ZIC1: variants seen among roughly 807,000 people sequenced by gnomAD.
The protein encoded by ZIC1 is Zic family zinc finger 1.
In ZIC1, 4 loss-of-function variants were observed where a neutral mutation model predicts 30.9. The observed-to-expected ratio is 0.13, with a 90% CI of 0.06 to 0.30. ZIC1 has a LOEUF of 0.30. ZIC1 is among the 10% of genes least tolerant of loss of function. The probability of loss-of-function intolerance (pLI) is 1.00; values close to 1 mark genes in which losing one functional copy is unlikely to be tolerated. For synonymous variants in ZIC1, 305 were observed against 277.5 expected, an observed-to-expected ratio of 1.10 and a Z score of -0.98; for missense variants, 441 against 639.3, an observed-to-expected ratio of 0.69 and a Z score of 3.34.
Position 147,410,862 on chromosome 3 carries a change from C to G in ZIC1, c.750C>G (p.His250Gln), listed in dbSNP as rs1170967618. 4 of 1,614,142 alleles carry G rather than the reference C, an allele frequency of 2.5e-6. No individual in the cohort carries two copies. Among genetic ancestry groups the G allele is most frequent in the Non-Finnish European group, 3.4e-6 (4 of 1,180,054 alleles). ...KSCNKTFSTMHELVTHVTVEH... is the reference protein window; with the variant it reads ...KSCNKTFSTMQELVTHVTVEH... ...GCAACAAAACTTTCAGCACCATGCA[C>G]GAGCTAGTTACGCACGTCACCGTGG... The change falls in exon 1 of 3, where the codon CAC becomes CAG. Residue 250 changes from histidine (H) to glutamine (Q), a missense_variant. Physicochemically the swap from His to Gln is conservative, Grantham distance 24. Transcript: ENST00000282928.
Position 147,413,972 on chromosome 3 carries a change from T to G in ZIC1, c.*421T>G, listed in dbSNP as rs557350306. 1.4e-4 allele frequency: 19 copies of G among 136,858 alleles called. No individual in the cohort carries two copies. Among genetic ancestry groups the G allele is most frequent in the African/African-American group, 5.2e-4 (19 of 36,828 alleles). 8.5% of individuals were successfully genotyped at this position (136,858 alleles called of 1,614,324 possible). Reference sequence around the variant, plus strand: ...AATTCTGTAAATAGTTATATCTCGGTTGGAGCGGGTGGGTGGGATTGTGGC... The same window carrying G: ...AATTCTGTAAATAGTTATATCTCGGGTGGAGCGGGTGGGTGGGATTGTGGC... On this transcript the variant is annotated 3_prime_UTR_variant, in exon 3 of 3. Coordinates refer to ENST00000282928, the MANE Select transcript of ZIC1 (RefSeq NM_003412.4).
At position 147,410,088 on chromosome 3, in the gene ZIC1, C is replaced by A; in HGVS notation, c.-25C>A. 1.4e-6 allele frequency: 2 copies of A among 1,456,658 alleles called. No homozygotes were observed. The highest frequency in any genetic ancestry group is 1.4e-5 in the South Asian group (1 of 69,870). The allele number at this position is 1,456,658 out of a possible 1,614,324, so 90.2% of individuals were successfully genotyped here. On this transcript the variant is annotated 5_prime_UTR_variant, in exon 1 of 3. Coordinates refer to ENST00000282928, the MANE Select transcript of ZIC1 (RefSeq NM_003412.4). Reference sequence around the variant, plus strand: ...GCGAGGGTGGGGGGGGCGGGGGAGGCCGGGGCTCGCCCCGAGCAGCCACGA... The same window carrying A: ...GCGAGGGTGGGGGGGGCGGGGGAGGACGGGGCTCGCCCCGAGCAGCCACGA...
At chr3:147,412,495 C>G (rs1409631205) in intron 1 of ZIC1, 23 bp from the exon 2 acceptor site, 10 of 1,613,104 alleles carry the variant, frequency 6.2e-6, no homozygotes, top group Middle Eastern at 1.7e-4. Context: ...AATTAGACCC[C>G]TCTCATTCTA....
rs1239240393 is a variant in ZIC1, at chr3:147,414,764, C to A, written c.*1213C>A. 6.6e-6 allele frequency: 1 copy of A among 152,462 alleles called. No homozygotes were observed. Among genetic ancestry groups the A allele is most frequent in the East Asian group, 1.9e-4 (1 of 5,194 alleles). 9.4% of individuals were successfully genotyped at this position (152,462 alleles called of 1,614,324 possible). A position where few individuals can be genotyped will look rare whatever the true frequency, so the allele number is the denominator to read the frequency against. On this transcript the variant is annotated 3_prime_UTR_variant, in exon 3 of 3. Transcript: ENST00000282928. Reference sequence around the variant, plus strand: ...AGTATTTATATCAAAATTTATGAAACAAATTTTCGGCCGCAGTATAATTTA... The same window carrying A: ...AGTATTTATATCAAAATTTATGAAAAAAATTTTCGGCCGCAGTATAATTTA...
In ZIC1 at chr3:147,413,601, C is replaced by CACGTAT. The variant is rs1559971175; in HGVS notation, c.*53_*58dup. On this transcript the variant is annotated 3_prime_UTR_variant, in exon 3 of 3. Coordinates refer to ENST00000282928, the MANE Select transcript of ZIC1 (RefSeq NM_003412.4). Reference sequence around the variant, plus strand: ...AACCCTATTTAAGAGACTGATCACACACGTATACACAACATTACTGAAAGA... The same window carrying CACGTAT: ...AACCCTATTTAAGAGACTGATCACACACGTATACGTATACACAACATTACTGAAAGA... The CACGTAT allele has an allele frequency of 6.3e-7, 1 of 1,587,292 alleles. No individual in the cohort carries two copies. The highest frequency in any genetic ancestry group is 2.3e-5 in the East Asian group (1 of 44,418).
Position 147,413,664 on chromosome 3 carries a change from A to C in ZIC1, c.*113A>C. 1 of 1,253,868 alleles carries C rather than the reference A, an allele frequency of 8.0e-7. No individual in the cohort carries two copies. 77.7% of individuals were successfully genotyped at this position (1,253,868 alleles called of 1,614,324 possible). A position where few individuals can be genotyped will look rare whatever the true frequency, so the allele number is the denominator to read the frequency against. On this transcript the variant is annotated 3_prime_UTR_variant, in exon 3 of 3. Coordinates refer to ENST00000282928, the MANE Select transcript of ZIC1 (RefSeq NM_003412.4). ...AAAACAACCCCCACACAGACCCCGCAATCCTTTTTTAAAAAATCTGCCAAT... is the reference window on the plus strand; with the variant it reads ...AAAACAACCCCCACACAGACCCCGCCATCCTTTTTTAAAAAATCTGCCAAT...
At position 147,410,633 on chromosome 3, in the gene ZIC1, G is replaced by A; in HGVS notation, c.521G>A (p.Arg174Gln). 6.2e-7 allele frequency: 1 copy of A among 1,613,518 alleles called. No homozygotes were observed. Reference sequence around the variant, plus strand: ...GGCTTCTCGGGGGACATGTACCCGCGACCGGAGCAGTACGGCCAGGTGACC... The same window carrying A: ...GGCTTCTCGGGGGACATGTACCCGCAACCGGAGCAGTACGGCCAGGTGACC... ...RLGFSGDMYP[R>Q]PEQYGQVTSP... Residue 174 changes from arginine to glutamine, a missense_variant, in exon 1 of 3, where the codon CGA (arginine) becomes CAA (glutamine). Coordinates refer to ENST00000282928, the MANE Select transcript of ZIC1 (RefSeq NM_003412.4).
intron 1 of ZIC1, 79 bp downstream of exon 1, chr3:147,411,173 A>G (rs1215862510): frequency 2.0e-6 from 3 of 1,529,224 alleles, no homozygotes; most frequent in South Asian, 1.3e-5. Flanking sequence ...GCCAGGTCGC[A>G]CAAACGCAGC....
chr3:147,411,057 C>T lies in ZIC1; in HGVS notation c.945C>T (p.Arg315=), dbSNP rs144436691. The change falls in exon 1 of 3, where the codon CGC becomes CGT. Residue 315 remains arginine, a synonymous_variant. Coordinates refer to ENST00000282928, the MANE Select transcript of ZIC1 (RefSeq NM_003412.4). ...CTGGCTGTGGCAAGGTCTTCGCGCG[C>T]TCCGAGAATTTAAAGATCCACAAAA... ...PFPGCGKVFA[R]SENLKIHKRT... is the part of the protein sequence containing the mutation. 2,373 of 1,613,968 alleles carry T rather than the reference C, an allele frequency of 1.5e-3. 2 individuals carry two copies. The highest frequency in any genetic ancestry group is 2.1e-3 in the Middle Eastern group (13 of 6,062).
At chr3:147,413,329 TA>T in intron 2 of ZIC1, 24 bp from the exon 3 acceptor site, 1 of 1,606,486 alleles carries the variant, frequency 6.2e-7, no homozygotes, top group Non-Finnish European at 8.5e-7. Context: ...TTTATGTCCG[TA>T]AAAACGCGAC....
chr3:147,412,792 G>C, intron 2 of ZIC1, 111 bp downstream of exon 2: 1 of 1,371,004 alleles, frequency 7.3e-7, no homozygotes, highest in East Asian at 2.3e-5. Context: ...GAGGAAGCGG[G>C]AAGGCAAAGG....
chr3:147,413,517 C>T lies in ZIC1; in HGVS notation c.1310C>T (p.Ala437Val), dbSNP rs373965585. 7.4e-6 allele frequency: 12 copies of T among 1,613,980 alleles called. No individual in the cohort carries two copies. Among genetic ancestry groups the T allele is most frequent in the South Asian group, 1.1e-5 (1 of 91,076 alleles). Residue 437 changes from alanine to valine, a missense_variant, in exon 3 of 3, where the codon GCG (alanine) becomes GTG (valine). Physicochemically the swap from Ala to Val is moderately conservative, Grantham distance 64. Around this residue, in one of 5 missense-constraint regions of ZIC1, gnomAD observed 56 missense variants for 52.5 expected, o/e 1.07. Transcript: ENST00000282928. Reference protein sequence around the residue: ...SAVHHTAGHSALSSNFNEWYV With the variant: ...SAVHHTAGHSVLSSNFNEWYV ...GTCCACCACACAGCCGGCCACAGTG[C>T]GCTCTCTTCCAATTTTAACGAATGG...
chr3:147,410,426 G>T lies in ZIC1; in HGVS notation c.314G>T (p.Arg105Leu). 6.2e-7 allele frequency: 1 copy of T among 1,603,748 alleles called. No homozygotes were observed. The change falls in exon 1 of 3, where the codon CGG (arginine) becomes CTG (leucine). Residue 105 changes from arginine (R) to leucine (L), a missense_variant. Physicochemically the swap from Arg to Leu is moderately radical, Grantham distance 102. This residue lies in a region of ZIC1 where 307 missense variants were observed against 355.3 expected (regional missense o/e 0.86). Coordinates refer to ENST00000282928, the MANE Select transcript of ZIC1 (RefSeq NM_003412.4). ...NSTRDFLFRN[R>L]GFGDAAAAAS... ...ACGCGGGACTTTCTGTTCCGCAACCGGGGTTTTGGCGACGCGGCGGCGGCA... is the reference window on the plus strand; with the variant it reads ...ACGCGGGACTTTCTGTTCCGCAACCTGGGTTTTGGCGACGCGGCGGCGGCA...
chr3:147,412,499 C>T lies in ZIC1; in HGVS notation c.983-19C>T. The T allele has an allele frequency of 6.2e-7, 1 of 1,613,298 alleles. No individual in the cohort carries two copies. Among genetic ancestry groups the T allele is most frequent in the Non-Finnish European group, 8.5e-7 (1 of 1,179,802 alleles). The stretch of plus-strand genomic sequence containing the variant: ...TATTTTTTTCTAATTAGACCCCTCT[C>T]ATTCTACTTTGGCACCAGGGGAGAA... On this transcript the variant is annotated intron_variant, in intron 1 of 2. Transcript: ENST00000282928.
At chr3:147,413,074 A>C (rs981816116) in intron 2 of ZIC1, among the ~76,000 whole-genome samples, 26 of 152,200 alleles carry the variant, frequency 1.7e-4, no homozygotes, top group African/African-American at 5.8e-4. Flanking sequence ...GGACAAGCAA[A>C]GTTCAGGGAA....
In ZIC1 at chr3:147,415,725, A is replaced by G. The variant is rs966521986; in HGVS notation, c.*2174A>G. On this transcript the variant is annotated 3_prime_UTR_variant, in exon 3 of 3. Coordinates refer to ENST00000282928, the MANE Select transcript of ZIC1 (RefSeq NM_003412.4). ...AAGAAAACAAGAGGAAAAACCCCACAAAGTATAACAACCCCTTAAGATACA... is the reference window on the plus strand; with the variant it reads ...AAGAAAACAAGAGGAAAAACCCCACGAAGTATAACAACCCCTTAAGATACA... 6.6e-6 allele frequency: 1 copy of G among 152,264 alleles called. No homozygotes were observed. Among genetic ancestry groups the G allele is most frequent in the African/African-American group, 2.4e-5 (1 of 41,466 alleles). 9.4% of individuals were successfully genotyped at this position (152,264 alleles called of 1,614,324 possible). A position where few individuals can be genotyped will look rare whatever the true frequency, so the allele number is the denominator to read the frequency against.
At chr3:147,412,405 T>C in intron 1 of ZIC1, 113 bp from the exon 2 acceptor site, 1 of 1,296,958 alleles carries the variant, frequency 7.7e-7, no homozygotes, top group Non-Finnish European at 1.1e-6. Context: ...TGCAAAGTGC[T>C]AATCCTGGGC....
Position 147,416,267 on chromosome 3 carries a change from T to C in ZIC1, c.*2716T>C, listed in dbSNP as rs1178019121. The C allele has an allele frequency of 6.6e-6, 1 of 152,252 alleles. No homozygotes were observed. The highest frequency in any genetic ancestry group is 1.5e-5 in the Non-Finnish European group (1 of 68,040). The allele number at this position is 152,252 out of a possible 1,614,324, so 9.4% of individuals were successfully genotyped here. A position where few individuals can be genotyped will look rare whatever the true frequency, so the allele number is the denominator to read the frequency against. On this transcript the variant is annotated 3_prime_UTR_variant, in exon 3 of 3. Coordinates refer to ENST00000282928, the MANE Select transcript of ZIC1 (RefSeq NM_003412.4). ...ACCACAATTAATAATCCTTCCCACT[T>C]TCATTGAGATCAGCTTGTCTGATAA... is the stretch of plus-strand genomic sequence containing the variant.
chr3:147,410,277 G>A lies in ZIC1; in HGVS notation c.165G>A (p.Glu55=), dbSNP rs747516485. ...GAFKLNPSSH[E]LASAGQTAFT... ...TCAAGCTCAACCCCAGTTCGCACGA[G>A]CTGGCTTCGGCCGGCCAGACGGCCT... The change falls in exon 1 of 3, where the codon GAG becomes GAA. Residue 55 remains glutamate, a synonymous_variant. Transcript: ENST00000282928. 3 of 1,600,364 alleles carry A rather than the reference G, an allele frequency of 1.9e-6. No individual in the cohort carries two copies. Among genetic ancestry groups the A allele is most frequent in the East Asian group, 4.5e-5 (2 of 44,844 alleles).
Sources: gnomAD v4.1 joint callset for allele counts (sites outside exome capture counted in the v4.1 genomes callset) on GRCh38, gnomAD v4.1.1 for gene constraint, gnomAD v4.1.1 regional missense constraint, MANE v1.5 for transcripts, NCBI Gene and HGNC (gene_info 2026-07-23, HGNC 2026-07-21) for gene names.